SLC25A24: variants seen among roughly 807,000 people sequenced by gnomAD.
SLC25A24 encodes the protein solute carrier family 25 member 24.
A neutral mutation model predicts 60.7 loss-of-function variants in SLC25A24; 49 were observed. The observed-to-expected ratio is 0.81, with a 90% CI of 0.64 to 1.02. The LOEUF (loss-of-function observed/expected upper bound fraction) is 1.02. Among genes scored for constraint, SLC25A24 ranks in the 50% least tolerant of loss-of-function variants. The pLI is 0.00. For synonymous variants in SLC25A24, 202 were observed against 200.6 expected (o/e 1.01, Z -0.06); for missense variants, 564 against 586.3 (o/e 0.96, Z 0.39).
At chr1:108,166,843 T>C (rs998112831) in intron 3 of SLC25A24, among the ~76,000 whole-genome samples, 8 of 152,230 alleles carry the variant, frequency 5.3e-5, no homozygotes, top group South Asian at 2.1e-4. Context: ...AGGAACAGCG[T>C]TCCTTTGGAG....
chr1:108,185,255 T>G (rs1396342593), intron 2 of SLC25A24, among the ~76,000 whole-genome samples: 1 of 152,174 alleles, frequency 6.6e-6, no homozygotes, highest in African/African-American at 2.4e-5. Flanking sequence ...GAAAACAGAT[T>G]AAGACAAACT....
chr1:108,195,756 T>C (rs568847019), intron 1 of SLC25A24, among the ~76,000 whole-genome samples: 16 of 152,282 alleles, frequency 1.1e-4, no homozygotes, highest in African/African-American at 3.8e-4. Context: ...CTTAGCACTT[T>C]CAGAGGCAGA....
intron 2 of SLC25A24, among the ~76,000 whole-genome samples, chr1:108,183,645 A>G (rs1013719588): frequency 6.6e-6 from 1 of 152,208 alleles, no homozygotes; most frequent in Non-Finnish European, 1.5e-5. Context: ...TTTTCTCCAT[A>G]AGGCATGCTA....
chr1:108,172,700 T>C (rs143737805), intron 3 of SLC25A24, among the ~76,000 whole-genome samples: 422 of 152,306 alleles, frequency 2.8e-3, no homozygotes, highest in Non-Finnish European at 4.7e-3. Flanking sequence ...TTAAGCACCA[T>C]TCAGATGTTT....
Position 108,185,823 on chromosome 1 carries a change from C to T in SLC25A24, c.310+5G>A, listed in dbSNP as rs1033470403. The T allele has an allele frequency of 2.2e-5, 35 of 1,581,708 alleles. No homozygotes were observed. The highest frequency in any genetic ancestry group is 2.9e-5 in the Non-Finnish European group (34 of 1,157,602). On this transcript the variant is annotated splice_donor_5th_base_variant and intron_variant, in intron 2 of 9. Transcript: ENST00000565488. ...GCTGGTGATAAATACAAAAGAAAGA[C>T]ACACCATCATTATTTTTGTCTAAAC...
At chr1:108,188,177 G>C (rs1025974179) in intron 1 of SLC25A24, among the ~76,000 whole-genome samples, 5 of 151,642 alleles carry the variant, frequency 3.3e-5, no homozygotes, top group East Asian at 1.9e-4. Context: ...GCAAAACATG[G>C]GGTGCACACG....
intron 4 of SLC25A24, among the ~76,000 whole-genome samples, chr1:108,160,733 C>T (rs995315613): frequency 2.0e-4 from 30 of 152,338 alleles, no homozygotes; most frequent in Admixed American, 6.5e-4. Context: ...GGATCACTCG[C>T]GGTCAGGAGC....
chr1:108,141,282 T>C (rs1427650483), intron 8 of SLC25A24, among the ~76,000 whole-genome samples: 3 of 152,092 alleles, frequency 2.0e-5, no homozygotes, highest in Admixed American at 6.5e-5. Flanking sequence ...CCTAAATATA[T>C]GAAGCAAACA....
chr1:108,178,985 C>G (rs1477354742), intron 3 of SLC25A24, among the ~76,000 whole-genome samples: 1 of 151,526 alleles, frequency 6.6e-6, no homozygotes, highest in Non-Finnish European at 1.5e-5. Context: ...ATACCAAAAC[C>G]CATGGAACAC....
At chr1:108,169,131 G>T (rs1227450750) in intron 3 of SLC25A24, among the ~76,000 whole-genome samples, 1 of 152,112 alleles carries the variant, frequency 6.6e-6, no homozygotes, top group African/African-American at 2.4e-5. Flanking sequence ...AATATGGATG[G>T]GTCTGTTTCT....
chr1:108,170,750 CT>C (rs1162888606), intron 3 of SLC25A24, among the ~76,000 whole-genome samples: 1 of 151,934 alleles, frequency 6.6e-6, no homozygotes, highest in Non-Finnish European at 1.5e-5. Context: ...GCTACCCCAG[CT>C]TTTTTTCAGT....
chr1:108,141,871 T>C (rs1054361230), intron 8 of SLC25A24, among the ~76,000 whole-genome samples: 3 of 152,152 alleles, frequency 2.0e-5, no homozygotes, highest in Non-Finnish European at 2.9e-5. Context: ...AATTGGGAGC[T>C]GTTGTTTAAT....
chr1:108,175,569 G>T (rs1469626846), intron 3 of SLC25A24, among the ~76,000 whole-genome samples: 1 of 152,096 alleles, frequency 6.6e-6, no homozygotes. Context: ...GTGGTACAAT[G>T]CCTGTAGTCC....
chr1:108,145,687 T>G (rs1679571676), intron 7 of SLC25A24, among the ~76,000 whole-genome samples: 1 of 151,816 alleles, frequency 6.6e-6, no homozygotes, highest in Admixed American at 6.6e-5. Flanking sequence ...CCCCATTGCT[T>G]GTTTTTGTCA....
chr1:108,154,448 G>A (rs1172181179), intron 6 of SLC25A24, among the ~76,000 whole-genome samples: 1 of 152,126 alleles, frequency 6.6e-6, no homozygotes, highest in East Asian at 1.9e-4. Context: ...GTGATTCAGA[G>A]GTAAATGCAT....
intron 2 of SLC25A24, among the ~76,000 whole-genome samples, chr1:108,182,456 T>C (rs1396431048): frequency 1.3e-5 from 2 of 152,234 alleles, no homozygotes; most frequent in African/African-American, 4.8e-5. Context: ...ACATTTACTA[T>C]GCAAAACATC....
chr1:108,187,263 G>A (rs933678816), intron 1 of SLC25A24, among the ~76,000 whole-genome samples: 5 of 151,926 alleles, frequency 3.3e-5, no homozygotes, highest in African/African-American at 1.2e-4. Flanking sequence ...ACTGGAAATC[G>A]GTGACCCATC....
At chr1:108,138,955 C>T (rs750586129) in intron 9 of SLC25A24, 103 bp downstream of exon 9, 18 of 1,178,676 alleles carry the variant, frequency 1.5e-5, no homozygotes, top group Middle Eastern at 2.2e-4. Flanking sequence ...TTGAGAAATA[C>T]TGTCTTAAAA....
At chr1:108,181,630 G>C (rs1437254237) in intron 3 of SLC25A24, among the ~76,000 whole-genome samples, 2 of 152,144 alleles carry the variant, frequency 1.3e-5, no homozygotes, top group Non-Finnish European at 2.9e-5. Flanking sequence ...TGTCACATTA[G>C]AAATCAAATG....
Sources: gnomAD v4.1 joint callset for allele counts (sites outside exome capture counted in the v4.1 genomes callset) on GRCh38, gnomAD v4.1.1 for gene constraint, MANE v1.5 for transcripts, NCBI Gene and HGNC (gene_info 2026-07-23, HGNC 2026-07-21) for gene names.